Variants in KCNQ5 observed in about 807,000 individuals in gnomAD.
The protein encoded by KCNQ5 is potassium voltage-gated channel subfamily KQT member 5.
In KCNQ5, 30 loss-of-function variants were observed where a neutral mutation model predicts 98.2. That is an observed-to-expected ratio of 0.31 (90% CI 0.23 to 0.41). The LOEUF (loss-of-function observed/expected upper bound fraction) is 0.41, where lower values mean the gene tolerates loss of function less well. KCNQ5 is among the 10% of genes least tolerant of loss of function. The pLI, the probability that KCNQ5 is intolerant of heterozygous loss-of-function variation, is 1.00. For synonymous variants in KCNQ5, 458 were observed against 449.4 expected (o/e 1.02, Z -0.24); for missense variants, 835 against 1,182.5 (o/e 0.71, Z 4.31).
chr6:72,856,497 T>TACAC (rs1777540893), intron 1 of KCNQ5, among the ~76,000 whole-genome samples: 2 of 121,308 alleles, frequency 1.6e-5, no homozygotes, highest in Non-Finnish European at 3.8e-5. Flanking sequence ...CACACACACG[T>TACAC]GTGTGTATTT....
intron 1 of KCNQ5, among the ~76,000 whole-genome samples, chr6:72,821,449 C>G (rs1013524261): frequency 2.0e-5 from 3 of 152,120 alleles, no homozygotes; most frequent in African/African-American, 7.2e-5. Context: ...TTGTCTACCT[C>G]CCAAATAGTC....
chr6:73,157,993 A>C, intron 10 of KCNQ5: 2 of 746,176 alleles, frequency 2.7e-6, no homozygotes, highest in South Asian at 2.7e-5. Flanking sequence ...AACGGCCGGA[A>C]GATCAAGTAG....
At chr6:72,848,419 A>G (rs1777106767) in intron 1 of KCNQ5, among the ~76,000 whole-genome samples, 1 of 152,144 alleles carries the variant, frequency 6.6e-6, no homozygotes, top group East Asian at 1.9e-4. Flanking sequence ...AAGTTTACGC[A>G]TGACAAGAAT....
chr6:72,884,455 G>C (rs1778775219), intron 1 of KCNQ5, among the ~76,000 whole-genome samples: 1 of 152,178 alleles, frequency 6.6e-6, no homozygotes, highest in Non-Finnish European at 1.5e-5. Flanking sequence ...GCAACAGTGA[G>C]AGATGAGAGA....
intron 10 of KCNQ5, chr6:73,158,179 C>T: frequency 3.1e-6 from 1 of 327,606 alleles, no homozygotes; most frequent in South Asian, 2.7e-5. Context: ...AGGGAACGTC[C>T]GGGCGAGCAC....
At position 72,836,422 on chromosome 6, in the gene KCNQ5, G is replaced by A. The variant is rs1337518848; in HGVS notation, c.399-167486G>A. ...AAACTGGAGAAGAATTTACAAATTTGGTGCTCTCTCTCTGTGTGTGTATAT... is the reference window on the plus strand; with the variant it reads ...AAACTGGAGAAGAATTTACAAATTTAGTGCTCTCTCTCTGTGTGTGTATAT... On this transcript the variant is annotated intron_variant, in intron 1 of 13. Coordinates refer to ENST00000370398, the MANE Select transcript of KCNQ5 (RefSeq NM_019842.4). Among the ~76,000 whole-genome samples the A allele has an allele frequency of 5.3e-5, 8 of 152,002 alleles. No homozygotes were observed. In the East Asian group the frequency reaches 9.7e-4, roughly 18 times the overall value.
intron 1 of KCNQ5, among the ~76,000 whole-genome samples, chr6:72,945,229 G>C (rs115308110): frequency 1.3e-5 from 2 of 152,018 alleles, no homozygotes; most frequent in African/African-American, 4.8e-5. Context: ...TAAGGGAAAA[G>C]CATATGCTTC....
intron 1 of KCNQ5, among the ~76,000 whole-genome samples, chr6:72,921,046 T>A (rs1383360135): frequency 2.0e-5 from 3 of 152,090 alleles, no homozygotes. Flanking sequence ...AACAAAGCCC[T>A]GCCAGAAAGG....
intron 10 of KCNQ5, chr6:73,135,259 A>G (rs1055629462): frequency 1.3e-5 from 2 of 152,068 alleles, no homozygotes; most frequent in African/African-American, 4.8e-5. Context: ...AAGTCTGGAA[A>G]GATTTACAAG....
chr6:72,964,886 CAT>C (rs1267058057), intron 1 of KCNQ5, among the ~76,000 whole-genome samples: 1 of 152,182 alleles, frequency 6.6e-6, no homozygotes, highest in African/African-American at 2.4e-5. Context: ...ACACTGTAAA[CAT>C]GTGTCCCTTG....
chr6:72,776,323 A>G (rs753261500), intron 1 of KCNQ5, among the ~76,000 whole-genome samples: 1 of 152,206 alleles, frequency 6.6e-6, no homozygotes, highest in African/African-American at 2.4e-5. Context: ...ACAAATTTAA[A>G]TAGATTTCTA....
intron 1 of KCNQ5, among the ~76,000 whole-genome samples, chr6:72,686,503 T>G (rs1183626041): frequency 6.6e-6 from 1 of 152,206 alleles, no homozygotes; most frequent in Admixed American, 6.5e-5. Context: ...TCTGTTGGAT[T>G]GATGATCCTT....
intron 1 of KCNQ5, among the ~76,000 whole-genome samples, chr6:72,918,986 C>T (rs1376165481): frequency 2.0e-5 from 3 of 152,096 alleles, no homozygotes; most frequent in African/African-American, 7.2e-5. Flanking sequence ...TCTTTTTGTT[C>T]TCCTTTCTCT....
At chr6:73,111,157 T>C (rs891259899) in intron 6 of KCNQ5, 151 bp from the exon 7 acceptor site, 48 of 625,794 alleles carry the variant, frequency 7.7e-5, no homozygotes, top group Admixed American at 1.5e-4. Context: ...ATAATGGAGA[T>C]AAATACTGCT....
chr6:72,659,308 C>T (rs1766386452), intron 1 of KCNQ5, among the ~76,000 whole-genome samples: 1 of 152,112 alleles, frequency 6.6e-6, no homozygotes, highest in Non-Finnish European at 1.5e-5. Flanking sequence ...TCCAAACTTG[C>T]TCCTGTATAA....
At position 72,680,053 on chromosome 6, in the gene KCNQ5, A is replaced by C. The variant is rs7743400; in HGVS notation, c.398+57466A>C. Among the ~76,000 whole-genome samples the C allele has an allele frequency of 3.4e-4, 52 of 152,190 alleles. 1 individual carries two copies. The highest frequency in any genetic ancestry group is 1.2e-3 in the African/African-American group (49 of 41,450). The stretch of plus-strand genomic sequence containing the variant: ...GCAAGGCTCCATCTCAAAAATAAAA[A>C]AAATTTTAAAAAGTATAAAATTCAG... On this transcript the variant is annotated intron_variant, in intron 1 of 13. Coordinates refer to ENST00000370398, the MANE Select transcript of KCNQ5 (RefSeq NM_019842.4).
At chr6:72,631,795 CAA>C in intron 1 of KCNQ5, among the ~76,000 whole-genome samples, 1 of 152,154 alleles carries the variant, frequency 6.6e-6, no homozygotes, top group East Asian at 1.9e-4. Flanking sequence ...AAAGGAAAAT[CAA>C]GAGAGAATAA....
intron 1 of KCNQ5, among the ~76,000 whole-genome samples, chr6:72,954,946 C>G (rs1254766102): frequency 1.3e-5 from 2 of 152,172 alleles, no homozygotes; most frequent in African/African-American, 2.4e-5. Context: ...CTGTTACTAC[C>G]TTTTTATCTG....
At chr6:73,094,508 T>C (rs1339582122) in intron 5 of KCNQ5, among the ~76,000 whole-genome samples, 7 of 152,172 alleles carry the variant, frequency 4.6e-5, no homozygotes, top group Non-Finnish European at 1.0e-4. Flanking sequence ...ATTTTTGTTT[T>C]ATAGGTCCTG....
Sources: allele counts gnomAD v4.1 joint callset (sites outside exome capture counted in the v4.1 genomes callset), GRCh38; gene constraint gnomAD v4.1.1; transcripts MANE v1.5; gene names NCBI Gene and HGNC (gene_info 2026-07-23, HGNC 2026-07-21).